Variants in ERBB4 observed in about 807,000 individuals in gnomAD.
The protein encoded by ERBB4 is erb-b2 receptor tyrosine kinase 4.
A neutral mutation model predicts 158.0 loss-of-function variants in ERBB4; 42 were observed. That is an observed-to-expected ratio of 0.27 (90% CI 0.21 to 0.34). ERBB4 has a LOEUF of 0.34. Ranked by LOEUF, ERBB4 falls within the 10% of genes least tolerant of loss-of-function variation. The pLI, the probability that ERBB4 is intolerant of heterozygous loss-of-function variation, is 1.00. For synonymous variants in ERBB4, 583 were observed against 558.7 expected (o/e 1.04, Z -0.61); for missense variants, 1,333 against 1,624.1 (o/e 0.82, Z 3.08).
chr2:211,589,408 A>G (rs1355028165), intron 19 of ERBB4, among the ~76,000 whole-genome samples: 1 of 152,160 alleles, frequency 6.6e-6, no homozygotes, highest in Non-Finnish European at 1.5e-5. Context: ...GCATAAACCT[A>G]GTTAACATTT....
chr2:212,034,304 C>A (rs2076966482), intron 2 of ERBB4, among the ~76,000 whole-genome samples: 1 of 151,824 alleles, frequency 6.6e-6, no homozygotes, highest in Non-Finnish European at 1.5e-5. Context: ...CTACTTTTGA[C>A]TATTAAATTA....
chr2:212,230,623 T>A (rs2083630209), intron 1 of ERBB4, among the ~76,000 whole-genome samples: 1 of 152,194 alleles, frequency 6.6e-6, no homozygotes, highest in East Asian at 1.9e-4. Context: ...ATTCCCCTAC[T>A]TAAATGTATG....
intron 1 of ERBB4, among the ~76,000 whole-genome samples, chr2:212,527,690 TTTTA>T (rs143126554): frequency 0.029 from 4,405 of 149,684 alleles, 115 homozygotes; most frequent in African/African-American, 0.063. Flanking sequence ...TCCCCAAATC[TTTTA>T]TTTATTTATT....
At chr2:211,583,338 G>C (rs1453017222) in intron 19 of ERBB4, among the ~76,000 whole-genome samples, 1 of 151,764 alleles carries the variant, frequency 6.6e-6, no homozygotes, top group African/African-American at 2.4e-5. Flanking sequence ...TTGTTATTTG[G>C]TATTTTGAAA....
At chr2:211,696,870 A>T (rs2073042984) in intron 12 of ERBB4, among the ~76,000 whole-genome samples, 1 of 151,988 alleles carries the variant, frequency 6.6e-6, no homozygotes, top group South Asian at 2.1e-4. Context: ...GGGTTTCACC[A>T]TGTTGGCCAG....
intron 3 of ERBB4, among the ~76,000 whole-genome samples, chr2:211,917,073 G>A (rs1461645864): frequency 6.6e-6 from 1 of 152,182 alleles, no homozygotes; most frequent in African/African-American, 2.4e-5. Flanking sequence ...CACGGCTGAT[G>A]TGAGGATTTT....
intron 20 of ERBB4, among the ~76,000 whole-genome samples, chr2:211,553,673 A>T (rs1574736018): frequency 6.6e-6 from 1 of 152,190 alleles, no homozygotes; most frequent in South Asian, 2.1e-4. Context: ...TACCCTACAA[A>T]ATAGGTAGCA....
At chr2:211,643,351 G>C (rs1007404218) in intron 16 of ERBB4, among the ~76,000 whole-genome samples, 1 of 152,002 alleles carries the variant, frequency 6.6e-6, no homozygotes, top group Non-Finnish European at 1.5e-5. Context: ...ATAATAAAAT[G>C]ATATACGTTC....
chr2:211,578,709 T>A (rs1447889555), intron 19 of ERBB4, among the ~76,000 whole-genome samples: 1 of 152,144 alleles, frequency 6.6e-6, no homozygotes, highest in Admixed American at 6.5e-5. Flanking sequence ...GGGGAAAGGA[T>A]TTCCTATTTA....
chr2:212,514,582 G>A (rs1434345534), intron 1 of ERBB4, among the ~76,000 whole-genome samples: 4 of 152,064 alleles, frequency 2.6e-5, no homozygotes, highest in African/African-American at 4.8e-5. Context: ...TGAGGCGGGC[G>A]GATCACGAGG....
chr2:212,123,451 T>C (rs1008540626), intron 2 of ERBB4, among the ~76,000 whole-genome samples: 2 of 152,132 alleles, frequency 1.3e-5, no homozygotes, highest in South Asian at 4.1e-4. Context: ...AGTAAGTTCT[T>C]TTAAGGCCCT....
intron 3 of ERBB4, among the ~76,000 whole-genome samples, chr2:211,871,177 A>G (rs921129186): frequency 6.6e-6 from 1 of 152,184 alleles, no homozygotes; most frequent in African/African-American, 2.4e-5. Context: ...AATACACTGC[A>G]TACAGAGGTA....
chr2:211,753,854 ATTTTTT>A (rs1047804300), intron 4 of ERBB4, among the ~76,000 whole-genome samples: 1,968 of 121,304 alleles, frequency 0.016, 41 homozygotes, highest in African/African-American at 0.059. Context: ...AAAAGTCCTG[ATTTTTT>A]TTTTTTTTTT....
rs144183559 is a variant in ERBB4, at chr2:212,133,584, T to C, written c.83-8681A>G. On this transcript the variant is annotated intron_variant, in intron 1 of 27. Coordinates refer to ENST00000342788, the MANE Select transcript of ERBB4 (RefSeq NM_005235.3). The stretch of plus-strand genomic sequence containing the variant: ...TTCAGTAAACATCAGTAAACAGGCA[T>C]AGCTGTTCAGTAAACATTTGTTAAA... Among the ~76,000 whole-genome samples, 13 of 151,556 alleles carry C rather than the reference T, an allele frequency of 8.6e-5. No homozygotes were observed. The East Asian group carries it at 2.3e-3, about 27-fold the overall frequency.
chr2:212,258,415 C>G (rs2084818653), intron 1 of ERBB4, among the ~76,000 whole-genome samples: 1 of 151,642 alleles, frequency 6.6e-6, no homozygotes, highest in Admixed American at 6.6e-5. Context: ...ATACCGTCCA[C>G]TGTCTCAGTT....
At chr2:212,381,227 T>C (rs1404785945) in intron 1 of ERBB4, among the ~76,000 whole-genome samples, 1 of 151,284 alleles carries the variant, frequency 6.6e-6, no homozygotes, top group African/African-American at 2.4e-5. Context: ...TTACAAAAAT[T>C]AGATGAGTCA....
At chr2:212,334,327 T>C (rs2088326423) in intron 1 of ERBB4, among the ~76,000 whole-genome samples, 1 of 152,070 alleles carries the variant, frequency 6.6e-6, no homozygotes, top group African/African-American at 2.4e-5. Flanking sequence ...AACTGTAATC[T>C]CTATAGCACA....
chr2:212,537,478 C>T (rs554980798), intron 1 of ERBB4, among the ~76,000 whole-genome samples: 23 of 152,192 alleles, frequency 1.5e-4, no homozygotes, highest in African/African-American at 5.1e-4. Context: ...AGCCCCGCCG[C>T]GCTGCCTCTC....
intron 2 of ERBB4, among the ~76,000 whole-genome samples, chr2:211,952,265 T>A (rs1201139001): frequency 6.6e-6 from 1 of 152,022 alleles, no homozygotes; most frequent in African/African-American, 2.4e-5. Context: ...CCAGTGCAGA[T>A]CATGAGCCAT....
Sources: gnomAD v4.1 joint callset for allele counts (sites outside exome capture counted in the v4.1 genomes callset) on GRCh38, gnomAD v4.1.1 for gene constraint, MANE v1.5 for transcripts, NCBI Gene and HGNC (gene_info 2026-07-23, HGNC 2026-07-21) for gene names.